Variants in USP1 observed in about 807,000 individuals in gnomAD.
USP1 encodes ubiquitin carboxyl-terminal hydrolase 1.
In USP1, 18 loss-of-function variants were observed where a neutral mutation model predicts 72.2. The ratio of observed to expected loss-of-function variants is 0.25; its 90% CI spans 0.17 to 0.37. The LOEUF is 0.37. Among genes scored for constraint, USP1 ranks in the 10% least tolerant of loss-of-function variants. USP1 has a pLI of 1.00. For missense variants in USP1, 759 were observed against 884.9 expected (o/e 0.86, Z 1.81); for synonymous variants, 354 against 303.7 (o/e 1.17, Z -1.72).
At chr1:62,441,011 A>AT (rs397737121) in intron 2 of USP1, among the ~76,000 whole-genome samples, 59,704 of 145,742 alleles carry the variant, frequency 0.41, 13,326 homozygotes, top group African/African-American at 0.62. Flanking sequence ...ATAGCTACAT[A>AT]TTTTTTTTTT....
At position 62,437,090 on chromosome 1, in the gene USP1, C is replaced by T. The variant is rs1164497259; in HGVS notation, c.-380C>T. On this transcript the variant is annotated 5_prime_UTR_variant, in exon 1 of 9. Transcript: ENST00000339950. ...CCCCTCGGTGGCGGAGTGCTAAAGA[C>T]CCTAGCGGTTCAGGCGTTCGGCGAG... 1.0e-5 allele frequency: 4 copies of T among 398,812 alleles called. No individual in the cohort carries two copies. The highest frequency in any genetic ancestry group is 2.1e-5 in the African/African-American group (1 of 48,622). 24.7% of individuals were successfully genotyped at this position (398,812 alleles called of 1,614,324 possible).
Position 62,444,277 on chromosome 1 carries a change from A to G in USP1, c.558-461A>G, listed in dbSNP as rs1008118557. On this transcript the variant is annotated intron_variant, in intron 5 of 8. Coordinates refer to ENST00000339950, the MANE Select transcript of USP1 (RefSeq NM_003368.5). ...CTTGTCTCCAAAAAAAAAAAAAAAA[A>G]AAAGGCCATTGTAGCGTGGTGGCCA... Among the ~76,000 whole-genome samples the G allele has an allele frequency of 1.4e-5, 2 of 144,876 alleles. 1 individual carries two copies. The highest frequency in any genetic ancestry group is 5.2e-5 in the African/African-American group (2 of 38,440).
In USP1 at chr1:62,442,247, T is replaced by A; in HGVS notation, c.344T>A (p.Ile115Asn). The A allele has an allele frequency of 6.2e-7, 1 of 1,606,386 alleles. No individual in the cohort carries two copies. Among genetic ancestry groups the A allele is most frequent in the Non-Finnish European group, 8.5e-7 (1 of 1,174,912 alleles). ...FKSGVKHLFN[I>N]ISRKKEALKD... ...TCTGGAGTAAAGCACTTATTTAATA[T>A]TATTTCAAGGAAGAAAGAAGCTCTA... is the stretch of plus-strand genomic sequence containing the variant. The change falls in exon 4 of 9, where the codon ATT becomes AAT. Residue 115 changes from isoleucine (I) to asparagine (N), a missense_variant. Coordinates refer to ENST00000339950, the MANE Select transcript of USP1 (RefSeq NM_003368.5).
At chr1:62,438,052 A>G (rs1645104357) in intron 1 of USP1, among the ~76,000 whole-genome samples, 1 of 151,922 alleles carries the variant, frequency 6.6e-6, no homozygotes, top group Non-Finnish European at 1.5e-5. Context: ...CCCAGTTACA[A>G]GGAAAGCCAG....
intron 5 of USP1, among the ~76,000 whole-genome samples, chr1:62,444,156 G>C (rs1645152801): frequency 6.6e-6 from 1 of 151,086 alleles, no homozygotes; most frequent in African/African-American, 2.4e-5. Flanking sequence ...CTACTCGGGA[G>C]ACTGAGGCAG....
Position 62,444,765 on chromosome 1 carries a change from T to C in USP1, c.585T>C (p.Tyr195=). 12 of 1,596,928 alleles carry C rather than the reference T, an allele frequency of 7.5e-6. No homozygotes were observed. The highest frequency in any genetic ancestry group is 1.0e-5 in the Non-Finnish European group (12 of 1,175,092). ...LRELNPMYEG[Y]LQHDAQEVLQ... ...AACTCAACCCTATGTATGAAGGATA[T>C]CTACAGCATGATGCACAGGAAGTAT... Residue 195 remains tyrosine (Y), a synonymous_variant, in exon 6 of 9, where the codon TAT becomes TAC. Transcript: ENST00000339950.
chr1:62,446,693 A>G (rs1041070350), intron 6 of USP1, among the ~76,000 whole-genome samples: 2 of 152,240 alleles, frequency 1.3e-5, no homozygotes, highest in Non-Finnish European at 2.9e-5. Context: ...ATCAGGGAAA[A>G]TGTGTAATAT....
intron 5 of USP1, among the ~76,000 whole-genome samples, chr1:62,444,293 G>A (rs575086444): frequency 1.2e-4 from 18 of 148,228 alleles, no homozygotes; most frequent in African/African-American, 2.0e-4. Context: ...CCATTGTAGC[G>A]TGGTGGCCAA....
intron 1 of USP1, 58 bp downstream of exon 1, chr1:62,437,458 C>T: frequency 3.1e-6 from 1 of 327,294 alleles, no homozygotes. Context: ...GTTCGGCCGG[C>T]GCGGGAGAGG....
At chr1:62,446,027 T>G (rs1417965706) in intron 6 of USP1, among the ~76,000 whole-genome samples, 1 of 152,186 alleles carries the variant, frequency 6.6e-6, no homozygotes, top group African/African-American at 2.4e-5. Context: ...TATATTTTAA[T>G]GTACATTTAA....
intron 6 of USP1, among the ~76,000 whole-genome samples, chr1:62,446,638 A>G (rs1224302700): frequency 6.6e-6 from 1 of 152,200 alleles, no homozygotes; most frequent in Admixed American, 6.5e-5. Context: ...AAGTTACACG[A>G]TACTTGAACT....
intron 6 of USP1, 71 bp downstream of exon 6, chr1:62,445,500 GATAC>G (rs1645165442): frequency 7.5e-7 from 1 of 1,338,164 alleles, no homozygotes; most frequent in South Asian, 1.6e-5. Context: ...TCTCTTCCTA[GATAC>G]ATGTACAATA....
chr1:62,444,770 A>G lies in USP1; in HGVS notation c.590A>G (p.Gln197Arg), dbSNP rs1645158109. 6.2e-7 allele frequency: 1 copy of G among 1,605,224 alleles called. No individual in the cohort carries two copies. Among genetic ancestry groups the G allele is most frequent in the Non-Finnish European group, 8.5e-7 (1 of 1,177,348 alleles). The change falls in exon 6 of 9, where the codon CAG (glutamine) becomes CGG (arginine). Residue 197 changes from glutamine to arginine, a missense_variant. By Grantham distance (43) the Gln-to-Arg change is conservative (BLOSUM62 1). Around this residue, in one of 9 missense-constraint regions of USP1, gnomAD observed 16 missense variants for 44.6 expected, o/e 0.36. Transcript: ENST00000339950. ...ELNPMYEGYL[Q>R]HDAQEVLQCI... ...AACCCTATGTATGAAGGATATCTAC[A>G]GCATGATGCACAGGAAGTATTACAA...
At position 62,451,041 on chromosome 1, in the gene USP1, GA is replaced by G; in HGVS notation, c.*61del. The stretch of plus-strand genomic sequence containing the variant: ...CACCCATACAAACATTGGTAAAGTT[GA>G]TTACATCAAAGAATCTTTAGCTTAT... On this transcript the variant is annotated 3_prime_UTR_variant, in exon 9 of 9. Transcript: ENST00000339950. 2 of 1,442,086 alleles carry G rather than the reference GA, an allele frequency of 1.4e-6. No individual in the cohort carries two copies. The highest frequency in any genetic ancestry group is 1.8e-6 in the Non-Finnish European group (2 of 1,086,372). 89.3% of individuals were successfully genotyped at this position (1,442,086 alleles called of 1,614,324 possible). A position where few individuals can be genotyped will look rare whatever the true frequency, so the allele number is the denominator to read the frequency against.
At chr1:62,443,419 A>G in intron 5 of USP1, 100 bp downstream of exon 5, 20 of 1,249,568 alleles carry the variant, frequency 1.6e-5, no homozygotes, top group Non-Finnish European at 2.1e-5. Context: ...GGGCAAGGAA[A>G]GTAGAAACTC....
intron 8 of USP1, among the ~76,000 whole-genome samples, chr1:62,449,261 G>C (rs1394513174): frequency 2.6e-5 from 4 of 152,138 alleles, no homozygotes; most frequent in Non-Finnish European, 5.9e-5. Flanking sequence ...ACTAAAGCAG[G>C]GAACAAATTT....
rs560023204 is a variant in USP1 at position 62,443,857 on chromosome 1, A to G, written c.557+538A>G. ...TATTTTCTTAAAAATGAAACTTTAC[A>G]TATAAAATAGCCTTATTCAAATACA... On this transcript the variant is annotated intron_variant, in intron 5 of 8. Transcript: ENST00000339950. 4.6e-5 allele frequency among the ~76,000 whole-genome samples: 7 copies of G among 152,346 alleles called. No individual in the cohort carries two copies. In the East Asian group the frequency reaches 7.7e-4, roughly 17 times the overall value.
At chr1:62,446,866 G>C (rs1645178896) in intron 6 of USP1, among the ~76,000 whole-genome samples, 1 of 151,938 alleles carries the variant, frequency 6.6e-6, no homozygotes, top group East Asian at 1.9e-4. Flanking sequence ...CCAGGCTAGA[G>C]TGCAATGGCA....
In USP1 at chr1:62,445,398, AAATGTT is replaced by A; in HGVS notation, c.1223_1228del (p.Val408_Asn409del). The A allele has an allele frequency of 6.3e-7, 1 of 1,583,900 alleles. No individual in the cohort carries two copies. ...CTCCAGGAAATACTGTTACACCTGT[AAATGTT>A]AATGAAGTTAAACCCATAAACAAAG... On this transcript the variant is annotated inframe_deletion, in exon 6 of 9. Coordinates refer to ENST00000339950, the MANE Select transcript of USP1 (RefSeq NM_003368.5).
Sources: allele counts gnomAD v4.1 joint callset (sites outside exome capture counted in the v4.1 genomes callset), GRCh38; gene constraint gnomAD v4.1.1; regional missense constraint gnomAD v4.1.1; transcripts MANE v1.5; gene names NCBI Gene and HGNC (gene_info 2026-07-23, HGNC 2026-07-21).